The following GALNT16 variants were observed in gnomAD, a reference collection of about 807,000 sequenced individuals.
The protein encoded by GALNT16 is polypeptide N-acetylgalactosaminyltransferase 16.
In GALNT16, 40 loss-of-function variants were observed where a neutral mutation model predicts 76.1. The ratio of observed to expected loss-of-function variants is 0.53; its 90% CI spans 0.41 to 0.68. The LOEUF (loss-of-function observed/expected upper bound fraction) is 0.68. GALNT16 is among the 30% of genes least tolerant of loss of function. GALNT16 has a pLI of 0.00. For missense variants in GALNT16, 621 were observed against 731.9 expected, an observed-to-expected ratio of 0.85 and a Z score of 1.75; for synonymous variants, 276 against 285.2, an observed-to-expected ratio of 0.97 and a Z score of 0.32.
At chr14:69,284,829 T>A (rs1161982893) in intron 1 of GALNT16, among the ~76,000 whole-genome samples, 1 of 152,080 alleles carries the variant, frequency 6.6e-6, no homozygotes, top group Non-Finnish European at 1.5e-5. Flanking sequence ...TGCTGTTCTC[T>A]TGATAGCAAG....
At chr14:69,360,370 AAAG>A (rs1450336938), downstream of GALNT16, among the ~76,000 whole-genome samples, 6 of 151,932 alleles carry the variant, frequency 3.9e-5, no homozygotes, top group African/African-American at 7.2e-5. Flanking sequence ...AAAAAAAAAA[AAAG>A]AAGAGGCCGA....
the GALNT16 span, among the ~76,000 whole-genome samples, chr14:69,376,156 C>A: frequency 3.9e-5 from 6 of 152,154 alleles, no homozygotes; most frequent in Non-Finnish European, 8.8e-5. Context: ...CCTGCCTTGG[C>A]CTCCCAAAGT....
At position 69,325,284 on chromosome 14, in the gene GALNT16, T is replaced by A. The variant is rs577712026; in HGVS notation, c.435-53T>A. 145 of 1,144,176 alleles carry A rather than the reference T, an allele frequency of 1.3e-4. No homozygotes were observed. In the African/African-American group the frequency reaches 2.1e-3, roughly 17 times the overall value. 70.9% of individuals were successfully genotyped at this position (1,144,176 alleles called of 1,614,324 possible). On this transcript the variant is annotated intron_variant, in intron 3 of 14. Coordinates refer to ENST00000448469, the MANE Select transcript of GALNT16 (RefSeq NM_001168368.2). ...CCCACGGCCCCGGGAGTGGTAAAAA[T>A]GGGAGGTGGTTCCTAAATCCAGGCT...
At chr14:69,375,296 G>A in the GALNT16 span, among the ~76,000 whole-genome samples, 5 of 152,156 alleles carry the variant, frequency 3.3e-5, no homozygotes, top group Non-Finnish European at 5.9e-5. Context: ...CATGTAAAGT[G>A]GATTTCTTAT....
At chr14:69,342,055 C>T (rs2045494682) in intron 12 of GALNT16, among the ~76,000 whole-genome samples, 1 of 152,160 alleles carries the variant, frequency 6.6e-6, no homozygotes, top group Non-Finnish European at 1.5e-5. Flanking sequence ...AGACATTCGT[C>T]CCCTTTAGCC....
At chr14:69,288,895 A>G (rs913547558) in intron 1 of GALNT16, among the ~76,000 whole-genome samples, 4 of 151,342 alleles carry the variant, frequency 2.6e-5, no homozygotes, top group Admixed American at 6.6e-5. Flanking sequence ...TTTTTTTTTT[A>G]GAGACGAGGT....
intron 1 of GALNT16, among the ~76,000 whole-genome samples, chr14:69,298,983 C>T (rs142933905): frequency 6.4e-4 from 97 of 152,360 alleles, no homozygotes; most frequent in African/African-American, 2.3e-3. Flanking sequence ...CTAGAATGAA[C>T]TAGCTTGTAT....
Position 69,347,193 on chromosome 14 carries a change from G to C in GALNT16, c.1413+12G>C, listed in dbSNP as rs200490419. ...CGCAGCCCGCCCAGGTAAGGACCTC[G>C]GGTAGGAATGGGAGTGGGAGAGAGC... On this transcript the variant is annotated intron_variant, in intron 13 of 14. Transcript: ENST00000448469. 1 of 1,594,220 alleles carries C rather than the reference G, an allele frequency of 6.3e-7. No homozygotes were observed. The highest frequency in any genetic ancestry group is 8.6e-7 in the Non-Finnish European group (1 of 1,169,038).
rs144913516 is a variant in GALNT16, at chr14:69,266,791, C to T, written c.177+6324C>T. On this transcript the variant is annotated intron_variant, in intron 1 of 14. Coordinates refer to ENST00000448469, the MANE Select transcript of GALNT16 (RefSeq NM_001168368.2). ...AGAGCCCTGCACCCTGGGAAGTAGG[C>T]GGGCCCCATGCACTGAGGCCAGCCC... Among the ~76,000 whole-genome samples the T allele has an allele frequency of 5.0e-3, 754 of 152,276 alleles. 9 individuals carry two copies. The highest frequency in any genetic ancestry group is 0.028 in the South Asian group (136 of 4,820).
intron 1 of GALNT16, among the ~76,000 whole-genome samples, chr14:69,289,451 G>C (rs1049724416): frequency 6.6e-6 from 1 of 152,200 alleles, no homozygotes. Flanking sequence ...GGAAGGTTCA[G>C]ACTCTACAAA....
At chr14:69,351,945 G>T in intron 14 of GALNT16, 86 bp from the exon 15 acceptor site, 1 of 1,259,384 alleles carries the variant, frequency 7.9e-7, no homozygotes, top group Non-Finnish European at 1.1e-6. Context: ...AGGGCTGTGT[G>T]CATACATGTG....
chr14:69,372,880 TGAG>T, the GALNT16 span, among the ~76,000 whole-genome samples: 1 of 152,160 alleles, frequency 6.6e-6, no homozygotes, highest in African/African-American at 2.4e-5. Flanking sequence ...GCAAGAAACA[TGAG>T]GTTTCCTGCC....
In GALNT16 at chr14:69,331,566, C is replaced by A; in HGVS notation, c.778+15C>A. 6.7e-7 allele frequency: 1 copy of A among 1,495,022 alleles called. No individual in the cohort carries two copies. Among genetic ancestry groups the A allele is most frequent in the Non-Finnish European group, 9.3e-7 (1 of 1,071,554 alleles). 92.6% of individuals were successfully genotyped at this position (1,495,022 alleles called of 1,614,324 possible). On this transcript the variant is annotated intron_variant, in intron 7 of 14. Transcript: ENST00000448469. ...CCTTCGTGGAGGTGAGTTCTGCTCCCGGGGGTGGGGCTGTAGACATGAAAG... is the reference window on the plus strand; with the variant it reads ...CCTTCGTGGAGGTGAGTTCTGCTCCAGGGGGTGGGGCTGTAGACATGAAAG...
intron 9 of GALNT16, 92 bp from the exon 10 acceptor site, chr14:69,338,559 G>A: frequency 1.2e-5 from 18 of 1,557,890 alleles, no homozygotes; most frequent in Non-Finnish European, 1.5e-5. Context: ...TGTACCTCCA[G>A]TGAGACACCA....
At chr14:69,370,837 T>C in the GALNT16 span, among the ~76,000 whole-genome samples, 5 of 152,230 alleles carry the variant, frequency 3.3e-5, no homozygotes, top group African/African-American at 9.6e-5. Flanking sequence ...CCTGGTGCTA[T>C]CTTCTCCTTT....
intron 12 of GALNT16, among the ~76,000 whole-genome samples, chr14:69,344,793 T>C (rs1440992395): frequency 2.6e-5 from 4 of 152,226 alleles, no homozygotes; most frequent in Non-Finnish European, 4.4e-5. Context: ...CCTCGTGCTG[T>C]ATTCCCCCTG....
chr14:69,338,441 A>C (rs2140187412), intron 9 of GALNT16, among the ~76,000 whole-genome samples: 1 of 152,210 alleles, frequency 6.6e-6, no homozygotes, highest in South Asian at 2.1e-4. Flanking sequence ...TCATGTGTAT[A>C]TGTGTGTGTG....
chr14:69,379,606 T>C, the GALNT16 span, among the ~76,000 whole-genome samples: 9 of 152,092 alleles, frequency 5.9e-5, no homozygotes, highest in African/African-American at 1.7e-4. Flanking sequence ...TGATTGAAAA[T>C]ACATGATTGA....
chr14:69,324,946 C>G (rs944183546), intron 3 of GALNT16, among the ~76,000 whole-genome samples, 156 bp downstream of exon 3: 2 of 152,128 alleles, frequency 1.3e-5, no homozygotes, highest in African/African-American at 4.8e-5. Flanking sequence ...GCCAGGAAGA[C>G]CCCAGAAGTC....
Sources: gnomAD v4.1 joint callset for allele counts (sites outside exome capture counted in the v4.1 genomes callset) on GRCh38, gnomAD v4.1.1 for gene constraint, MANE v1.5 for transcripts, NCBI Gene and HGNC (gene_info 2026-07-23, HGNC 2026-07-21) for gene names.